The following INSYN2A variants were observed in gnomAD, a reference collection of about 807,000 sequenced individuals.
INSYN2A encodes family with sequence similarity 196 member A.
In INSYN2A, 17 loss-of-function variants were observed where a neutral mutation model predicts 39.4. The ratio of observed to expected loss-of-function variants is 0.43; its 90% confidence interval spans 0.30 to 0.65. The LOEUF is 0.65. Ranked by LOEUF, INSYN2A falls within the 30% of genes least tolerant of loss-of-function variation. INSYN2A has a pLI of 0.14. For synonymous variants in INSYN2A, 255 were observed against 265.7 expected (o/e 0.96, Z 0.39); for missense variants, 595 against 631.2 (o/e 0.94, Z 0.61).
chr10:127,154,636 G>A (rs1268390140), intron 4 of INSYN2A, among the ~76,000 whole-genome samples: 1 of 152,184 alleles, frequency 6.6e-6, no homozygotes, highest in African/African-American at 2.4e-5. Flanking sequence ...ATGTTAGAAT[G>A]TCTTACTCCC....
At chr10:127,156,643 AC>A (rs2053110170) in intron 4 of INSYN2A, among the ~76,000 whole-genome samples, 1 of 137,724 alleles carries the variant, frequency 7.3e-6, no homozygotes, top group South Asian at 2.2e-4. Flanking sequence ...ATCTGGGCTC[AC>A]CACAACCTCC....
chr10:127,144,823 A>G (rs886109460), intron 5 of INSYN2A, among the ~76,000 whole-genome samples: 7 of 152,198 alleles, frequency 4.6e-5, no homozygotes, highest in African/African-American at 1.7e-4. Flanking sequence ...GCATTAATCA[A>G]TGTTTATGGT....
At chr10:127,182,116 C>T (rs112670321) in intron 2 of INSYN2A, among the ~76,000 whole-genome samples, 18 of 152,178 alleles carry the variant, frequency 1.2e-4, no homozygotes, top group African/African-American at 3.4e-4. Flanking sequence ...GGAGATGGCA[C>T]GCCCCGTTCC....
chr10:127,186,285 A>G (rs2056223758), intron 2 of INSYN2A, among the ~76,000 whole-genome samples: 1 of 152,184 alleles, frequency 6.6e-6, no homozygotes, highest in East Asian at 1.9e-4. Flanking sequence ...GGAGGCCTCA[A>G]GAAACTTAAA....
chr10:127,148,516 C>T (rs886816953), intron 5 of INSYN2A, among the ~76,000 whole-genome samples: 2 of 152,134 alleles, frequency 1.3e-5, no homozygotes, highest in Admixed American at 6.5e-5. Context: ...GCCATTTTGT[C>T]GCAGTACTAT....
At chr10:127,180,257 G>A (rs1245118464) in intron 2 of INSYN2A, among the ~76,000 whole-genome samples, 1 of 152,208 alleles carries the variant, frequency 6.6e-6, no homozygotes, top group Non-Finnish European at 1.5e-5. Context: ...GGAGCACTGA[G>A]TGAATGTTGC....
chr10:127,143,598 T>C (rs1162053566), intron 5 of INSYN2A, among the ~76,000 whole-genome samples: 1 of 152,186 alleles, frequency 6.6e-6, no homozygotes, highest in Non-Finnish European at 1.5e-5. Context: ...GGACCAGCCA[T>C]GTCCCCAAAG....
intron 4 of INSYN2A, among the ~76,000 whole-genome samples, chr10:127,155,132 C>G (rs2052912180): frequency 6.6e-6 from 1 of 152,228 alleles, no homozygotes; most frequent in South Asian, 2.1e-4. Flanking sequence ...ACCAGAGTAA[C>G]AGTGTGCACA....
intron 4 of INSYN2A, among the ~76,000 whole-genome samples, chr10:127,171,797 G>A (rs532122899): frequency 5.9e-5 from 9 of 152,206 alleles, no homozygotes; most frequent in East Asian, 5.8e-4. Context: ...TCCACCTCCC[G>A]GGTTCAAGCA....
chr10:127,143,844 G>T (rs1392437455), intron 5 of INSYN2A, among the ~76,000 whole-genome samples: 1 of 152,190 alleles, frequency 6.6e-6, no homozygotes, highest in Non-Finnish European at 1.5e-5. Flanking sequence ...AATATTTGTT[G>T]TTCTCTTCTG....
chr10:127,182,858 C>G (rs923282648), intron 2 of INSYN2A, among the ~76,000 whole-genome samples: 10 of 152,002 alleles, frequency 6.6e-5, no homozygotes. Context: ...CCTTTAGTTA[C>G]GATAGCAGGT....
intron 5 of INSYN2A, among the ~76,000 whole-genome samples, chr10:127,151,839 T>C (rs983867287): frequency 6.6e-6 from 1 of 152,048 alleles, no homozygotes; most frequent in African/African-American, 2.4e-5. Context: ...TCATGTAGAG[T>C]GATGTTTGAG....
chr10:127,163,020 G>A (rs980366739), intron 4 of INSYN2A, among the ~76,000 whole-genome samples: 5 of 152,126 alleles, frequency 3.3e-5, no homozygotes, highest in African/African-American at 4.8e-5. Context: ...TCCTTGGTCC[G>A]GGCCCGGCTT....
At chr10:127,138,497 C>T (rs1213877952) in intron 5 of INSYN2A, among the ~76,000 whole-genome samples, 1 of 152,108 alleles carries the variant, frequency 6.6e-6, no homozygotes, top group East Asian at 1.9e-4. Flanking sequence ...TAAAACAATT[C>T]TGGAAGGAAA....
chr10:127,182,530 T>G (rs2055835949), intron 2 of INSYN2A, among the ~76,000 whole-genome samples: 2 of 152,180 alleles, frequency 1.3e-5, no homozygotes, highest in South Asian at 4.1e-4. Context: ...CTTATGTTGA[T>G]GTTAACCTTT....
In INSYN2A at chr10:127,175,499, C is replaced by G; in HGVS notation, c.897G>C (p.Ala299=). ...AGCAGGCCAGGGCAGTTTCCGAGGG[C>G]GCCTGGAGCCCGTTGAGATGTGTGG... is the stretch of plus-strand genomic sequence containing the variant. ...RRATHLNGLQ[A]PSETALACSP... The change falls in exon 4 of 6, where the codon GCG becomes GCC. Residue 299 remains alanine, a synonymous_variant. Coordinates refer to ENST00000522781, the MANE Select transcript of INSYN2A (RefSeq NM_001039762.3). The surrounding 1 kb of genome is among the most constrained non-coding windows in gnomAD (Gnocchi z 6.3). 1 of 1,608,688 alleles carries G rather than the reference C, an allele frequency of 6.2e-7. No homozygotes were observed. The highest frequency in any genetic ancestry group is 8.5e-7 in the Non-Finnish European group (1 of 1,179,990).
chr10:127,171,248 G>C (rs2054543358), intron 4 of INSYN2A, among the ~76,000 whole-genome samples: 1 of 152,240 alleles, frequency 6.6e-6, no homozygotes, highest in Non-Finnish European at 1.5e-5. Flanking sequence ...AAGCTACTGA[G>C]AGCGGTTGTA....
In INSYN2A at chr10:127,136,459, A is replaced by C. The variant is rs150362471; in HGVS notation, c.*1378T>G. On this transcript the variant is annotated 3_prime_UTR_variant, in exon 6 of 6. Coordinates refer to ENST00000522781, the MANE Select transcript of INSYN2A (RefSeq NM_001039762.3). ...AGGTTTTCCTGTATGCTCACAAACT[A>C]TTCAAAATTTAAGTTGTACAAAAAA... The C allele has an allele frequency of 6.0e-4, 90 of 149,172 alleles. No homozygotes were observed. The highest frequency in any genetic ancestry group is 2.2e-3 in the African/African-American group (87 of 39,794). The allele number at this position is 149,172 out of a possible 1,614,324, so 9.2% of individuals were successfully genotyped here.
At chr10:127,153,118 T>C (rs1026165146) in intron 5 of INSYN2A, among the ~76,000 whole-genome samples, 13 of 152,242 alleles carry the variant, frequency 8.5e-5, no homozygotes, top group African/African-American at 3.1e-4. Flanking sequence ...GTCTAAACTT[T>C]AGAAAAAGAA....
Sources: gnomAD v4.1 joint callset for allele counts (sites outside exome capture counted in the v4.1 genomes callset) on GRCh38, gnomAD v4.1.1 for gene constraint, Gnocchi (gnomAD v3.1) non-coding constraint, MANE v1.5 for transcripts, NCBI Gene and HGNC (gene_info 2026-07-23, HGNC 2026-07-21) for gene names.